CNGB3: variants seen among roughly 807,000 people sequenced by gnomAD.
CNGB3 encodes cyclic nucleotide-gated channel beta-3.
A neutral mutation model predicts 92.8 loss-of-function variants in CNGB3; 86 were observed. That is an observed-to-expected ratio of 0.93 (90% CI 0.78 to 1.11). The LOEUF (loss-of-function observed/expected upper bound fraction) is 1.11. Among genes scored for constraint, CNGB3 ranks in the 50% least tolerant of loss-of-function variants. The probability of loss-of-function intolerance (pLI) is 0.00; values close to 1 mark genes in which losing one functional copy is unlikely to be tolerated. For synonymous variants in CNGB3, 333 were observed against 332.7 expected, an observed-to-expected ratio of 1.00 and a Z score of -0.01; for missense variants, 1,026 against 956.8, an observed-to-expected ratio of 1.07 and a Z score of -0.95.
rs748977433 is a variant in CNGB3, at chr8:86,643,842, T to C, written c.1087A>G (p.Ile363Val). ...TAAACACAGGCATTAATGTGCAGAA[T>C]AAACAGCAAGTATCCAGTTGTTCGA... ...VIRTTGYLLF[I>V]LHINACVYYW... is the part of the protein sequence containing the mutation. Residue 363 changes from isoleucine to valine, a missense_variant, in exon 10 of 18, where the codon ATT becomes GTT. Coordinates refer to ENST00000320005, the MANE Select transcript of CNGB3 (RefSeq NM_019098.5). 4 of 1,607,208 alleles carry C rather than the reference T, an allele frequency of 2.5e-6. No individual in the cohort carries two copies. Among genetic ancestry groups the C allele is most frequent in the Middle Eastern group, 1.7e-4 (1 of 6,032 alleles).
chr8:86,580,554 A>G (rs1821744313), intron 15 of CNGB3, among the ~76,000 whole-genome samples: 1 of 152,216 alleles, frequency 6.6e-6, no homozygotes, highest in South Asian at 2.1e-4. Flanking sequence ...TCTATAATAT[A>G]GTCATTCACA....
In CNGB3 at chr8:86,660,161, A is replaced by G. The variant is rs550646746; in HGVS notation, c.853-6099T>C. The stretch of plus-strand genomic sequence containing the variant: ...GGCAACCACCAGAAGTGGTTGTCTC[A>G]GGATTGCTGCCATTTTTCATTTTCT... On this transcript the variant is annotated intron_variant, in intron 6 of 17. Coordinates refer to ENST00000320005, the MANE Select transcript of CNGB3 (RefSeq NM_019098.5). 673 of 306,912 alleles carry G rather than the reference A, an allele frequency of 2.2e-3. 6 individuals carry two copies. The highest frequency in any genetic ancestry group is 3.2e-4 in the Non-Finnish European group (48 of 149,554). The allele number at this position is 306,912 out of a possible 1,614,324, so 19.0% of individuals were successfully genotyped here. A position where few individuals can be genotyped will look rare whatever the true frequency, so the allele number is the denominator to read the frequency against.
intron 3 of CNGB3, among the ~76,000 whole-genome samples, chr8:86,693,816 A>C (rs571848077): frequency 6.9e-6 from 1 of 145,168 alleles, no homozygotes; most frequent in East Asian, 2.0e-4. Context: ...TTAGTACAGA[A>C]CAAAATGAAA....
chr8:86,629,680 G>A (rs895011887), intron 11 of CNGB3, among the ~76,000 whole-genome samples: 1 of 152,076 alleles, frequency 6.6e-6, no homozygotes, highest in Non-Finnish European at 1.5e-5. Context: ...CATGCTTAAG[G>A]CACAGTATTC....
chr8:86,725,430 G>T lies in CNGB3; in HGVS notation c.338+1101C>A, dbSNP rs989114002. Among the ~76,000 whole-genome samples the T allele has an allele frequency of 2.0e-5, 3 of 152,106 alleles. No homozygotes were observed. The East Asian group carries it at 5.8e-4, about 29-fold the overall frequency. ...GTTATAGATAAAATATAAATAATTA[G>T]TTGTTCTCTTGTTAGATTACAGTCC... On this transcript the variant is annotated intron_variant, in intron 3 of 17. Transcript: ENST00000320005.
chr8:86,613,553 A>C (rs1822558881), intron 13 of CNGB3, among the ~76,000 whole-genome samples: 1 of 152,164 alleles, frequency 6.6e-6, no homozygotes, highest in Non-Finnish European at 1.5e-5. Context: ...GAACATGTAC[A>C]TGTCTGGAAT....
intron 6 of CNGB3, chr8:86,661,731 G>T: frequency 1.3e-6 from 2 of 1,553,412 alleles, no homozygotes; most frequent in Non-Finnish European, 1.8e-6. Flanking sequence ...GGTAGTGGTT[G>T]ATCTAGCATC....
intron 13 of CNGB3, among the ~76,000 whole-genome samples, chr8:86,612,311 A>G (rs560042507): frequency 1.2e-4 from 19 of 152,318 alleles, no homozygotes; most frequent in African/African-American, 4.6e-4. Flanking sequence ...TGTTTAAATA[A>G]CTATATCTAT....
intron 15 of CNGB3, among the ~76,000 whole-genome samples, chr8:86,586,896 C>T (rs1447664958): frequency 7.6e-6 from 1 of 131,160 alleles, no homozygotes; most frequent in African/African-American, 3.5e-5. Context: ...GTTCTAGATC[C>T]CTGAGGAATT....
intron 7 of CNGB3, among the ~76,000 whole-genome samples, 164 bp from the exon 8 acceptor site, chr8:86,648,051 T>G (rs1322283207): frequency 1.3e-5 from 2 of 151,178 alleles, no homozygotes; most frequent in Non-Finnish European, 3.0e-5. Flanking sequence ...TTAAGGCGTA[T>G]TAGCACCATG....
chr8:86,658,125 T>C, intron 6 of CNGB3: 1 of 531,518 alleles, frequency 1.9e-6, no homozygotes, highest in South Asian at 1.7e-5. Context: ...CTCCAGTCCC[T>C]GGGACTAGGG....
At chr8:86,696,408 G>A (rs969632659) in intron 3 of CNGB3, among the ~76,000 whole-genome samples, 7 of 152,140 alleles carry the variant, frequency 4.6e-5, no homozygotes, top group Non-Finnish European at 1.0e-4. Context: ...GATCCCAAGA[G>A]CTTACGTCTT....
chr8:86,656,495 A>C (rs1823507474), intron 6 of CNGB3, among the ~76,000 whole-genome samples: 1 of 152,240 alleles, frequency 6.6e-6, no homozygotes, highest in African/African-American at 2.4e-5. Flanking sequence ...GAGGATCAGC[A>C]TGCTTACCGG....
intron 15 of CNGB3, among the ~76,000 whole-genome samples, chr8:86,584,402 C>T (rs968938459): frequency 4.6e-5 from 7 of 152,048 alleles, no homozygotes; most frequent in African/African-American, 1.7e-4. Context: ...GAGAATAGAA[C>T]GGAAATAACA....
At chr8:86,730,380 A>G (rs1825138029) in intron 2 of CNGB3, among the ~76,000 whole-genome samples, 1 of 152,228 alleles carries the variant, frequency 6.6e-6, no homozygotes, top group Admixed American at 6.5e-5. Context: ...TTAGATGGAT[A>G]TGAAAAGCAC....
chr8:86,671,186 A>G lies in CNGB3; in HGVS notation c.339-88T>C, dbSNP rs1823855472. ...TTAAATCTTTTCACCTTCCTTATAT[A>G]TTCAAGATTATTAACTTCCCCTTTT... On this transcript the variant is annotated intron_variant, in intron 3 of 17. Transcript: ENST00000320005. The G allele has an allele frequency of 2.1e-6, 3 of 1,430,178 alleles. No homozygotes were observed. The East Asian group carries it at 6.8e-5, about 32-fold the overall frequency. The allele number at this position is 1,430,178 out of a possible 1,614,324, so 88.6% of individuals were successfully genotyped here. A position where few individuals can be genotyped will look rare whatever the true frequency, so the allele number is the denominator to read the frequency against.
chr8:86,653,914 C>T (rs535410405), intron 7 of CNGB3, 98 bp downstream of exon 7: 51 of 839,846 alleles, frequency 6.1e-5, no homozygotes, highest in East Asian at 2.7e-4. Context: ...AATAAAACTT[C>T]GTATGTACAA....
At chr8:86,637,443 G>A (rs1282018658) in intron 10 of CNGB3, among the ~76,000 whole-genome samples, 1 of 151,880 alleles carries the variant, frequency 6.6e-6, no homozygotes, top group African/African-American at 2.4e-5. Flanking sequence ...GCTATTCGGG[G>A]TCTTTTGTGG....
intron 7 of CNGB3, 148 bp from the exon 8 acceptor site, chr8:86,648,035 G>T: frequency 1.5e-6 from 1 of 683,282 alleles, no homozygotes; most frequent in South Asian, 1.6e-5. Flanking sequence ...CTATGCATGG[G>T]GCTTTTTAAG....
Sources: gnomAD v4.1 joint callset for allele counts (sites outside exome capture counted in the v4.1 genomes callset) on GRCh38, gnomAD v4.1.1 for gene constraint, MANE v1.5 for transcripts, NCBI Gene and HGNC (gene_info 2026-07-23, HGNC 2026-07-21) for gene names.